CCDC191: variants seen among roughly 807,000 people sequenced by gnomAD.
The protein encoded by CCDC191 is coiled-coil domain-containing protein 191.
CCDC191 carries 99 observed loss-of-function variants against 114.0 expected under a neutral mutation model. That is an observed-to-expected ratio of 0.87 (90% CI 0.74 to 1.03). The LOEUF is 1.03. CCDC191 is among the 50% of genes least tolerant of loss of function. CCDC191 has a pLI of 0.00. For synonymous variants in CCDC191, 351 were observed against 376.0 expected, an observed-to-expected ratio of 0.93 and a Z score of 0.77; for missense variants, 973 against 1,087.0, an observed-to-expected ratio of 0.90 and a Z score of 1.47.
At chr3:114,025,983 T>C (rs2107713746) in intron 7 of CCDC191, among the ~76,000 whole-genome samples, 1 of 152,338 alleles carries the variant, frequency 6.6e-6, no homozygotes, top group South Asian at 2.1e-4. Flanking sequence ...ATAATATTCA[T>C]CTGAAATGTC....
chr3:114,044,513 G>C (rs2076604159), intron 3 of CCDC191, among the ~76,000 whole-genome samples: 1 of 152,026 alleles, frequency 6.6e-6, no homozygotes, highest in East Asian at 1.9e-4. Context: ...TAGGGAATGG[G>C]GTGTTTACAT....
At chr3:114,004,133 CA>C (rs1242304263) in intron 11 of CCDC191, 2 of 956,832 alleles carry the variant, frequency 2.1e-6, no homozygotes, top group Non-Finnish European at 2.5e-6. Flanking sequence ...CTAGATGCAT[CA>C]AAAATGTTAT....
chr3:114,012,446 T>C (rs187087920), intron 8 of CCDC191, among the ~76,000 whole-genome samples: 1 of 152,176 alleles, frequency 6.6e-6, no homozygotes, highest in African/African-American at 2.4e-5. Context: ...AAAAGTATAA[T>C]ATAGGTGGTA....
chr3:114,052,977 C>G (rs2076716703), intron 2 of CCDC191, among the ~76,000 whole-genome samples: 1 of 152,162 alleles, frequency 6.6e-6, no homozygotes. Flanking sequence ...GATTTAATGG[C>G]ACTTTCAAAT....
rs143607740 is a variant in CCDC191, at chr3:114,047,238, G to C, written c.130-506C>G. On this transcript the variant is annotated intron_variant, in intron 2 of 16. Transcript: ENST00000295878. ...GAATAAACAGAATCACTGAACTGTAGCCATCTAGAATGTTTTAACTCAACA... is the reference window on the plus strand; with the variant it reads ...GAATAAACAGAATCACTGAACTGTACCCATCTAGAATGTTTTAACTCAACA... 266 of 478,384 alleles carry C rather than the reference G, an allele frequency of 5.6e-4. 5 individuals are homozygous for C. In the East Asian group the frequency reaches 0.017, roughly 31 times the overall value. 29.6% of individuals were successfully genotyped at this position (478,384 alleles called of 1,614,324 possible). A position where few individuals can be genotyped will look rare whatever the true frequency, so the allele number is the denominator to read the frequency against.
At position 113,964,988 on chromosome 3, in the gene CCDC191, A is replaced by C. The variant is rs1277967293; in HGVS notation, c.*167T>G. On this transcript the variant is annotated 3_prime_UTR_variant, in exon 17 of 17. Transcript: ENST00000295878. ...TGCTATAGTGAATGACTAGCAATCC[A>C]GGAAAAGTCAAAGAAGGGAATAAAA... is the stretch of plus-strand genomic sequence containing the variant. 2.3e-6 allele frequency: 1 copy of C among 437,856 alleles called. No homozygotes were observed. Among genetic ancestry groups the C allele is most frequent in the Non-Finnish European group, 4.0e-6 (1 of 249,636 alleles). 27.1% of individuals were successfully genotyped at this position (437,856 alleles called of 1,614,324 possible). A position where few individuals can be genotyped will look rare whatever the true frequency, so the allele number is the denominator to read the frequency against.
At chr3:113,975,227 G>A (rs190322070) in intron 16 of CCDC191, among the ~76,000 whole-genome samples, 76 of 152,164 alleles carry the variant, frequency 5.0e-4, no homozygotes, top group East Asian at 3.3e-3. Flanking sequence ...AAAATTATCC[G>A]GAAGTGATAC....
intron 13 of CCDC191, among the ~76,000 whole-genome samples, chr3:113,989,063 T>G (rs372408247): frequency 6.6e-6 from 1 of 152,224 alleles, no homozygotes; most frequent in African/African-American, 2.4e-5. Flanking sequence ...CCCAAAGTGC[T>G]GGGATTACAG....
At chr3:114,004,328 G>A (rs1359345955) in intron 11 of CCDC191, 29 of 1,008,152 alleles carry the variant, frequency 2.9e-5, no homozygotes, top group Non-Finnish European at 3.1e-5. Context: ...TTTCTCATTT[G>A]TGTAATTATT....
intron 11 of CCDC191, chr3:114,004,089 G>A: frequency 1.1e-6 from 1 of 946,546 alleles, no homozygotes; most frequent in Non-Finnish European, 1.3e-6. Flanking sequence ...GGCAACACAG[G>A]AAGACCCTGC....
intron 13 of CCDC191, among the ~76,000 whole-genome samples, chr3:113,981,662 G>C (rs1298178674): frequency 3.9e-5 from 6 of 152,144 alleles, no homozygotes; most frequent in African/African-American, 1.4e-4. Context: ...TTAGGAAAAG[G>C]GCAGTGGTGA....
chr3:114,024,458 C>T (rs2076289710), intron 7 of CCDC191, among the ~76,000 whole-genome samples: 1 of 152,120 alleles, frequency 6.6e-6, no homozygotes, highest in Non-Finnish European at 1.5e-5. Context: ...CCCAAATGTC[C>T]AACAATGATA....
chr3:114,033,484 T>C lies in CCDC191; in HGVS notation c.818+1441A>G, dbSNP rs577543622. 3.3e-5 allele frequency among the ~76,000 whole-genome samples: 5 copies of C among 152,356 alleles called. No homozygotes were observed. In the South Asian group the frequency reaches 1.0e-3, roughly 32 times the overall value. On this transcript the variant is annotated intron_variant, in intron 6 of 16. Coordinates refer to ENST00000295878, the MANE Select transcript of CCDC191 (RefSeq NM_020817.2). ...AAGGGATAATACTATTTTACGGCTC[T>C]TGTTGTTTACTGCCAAATTGCTTTC...
intron 13 of CCDC191, chr3:113,984,470 T>C (rs1163333987): frequency 6.6e-6 from 1 of 152,180 alleles, no homozygotes; most frequent in Non-Finnish European, 1.5e-5. Flanking sequence ...GGAAAAGTTA[T>C]ATAAAGCATA....
chr3:113,992,574 T>G (rs1265619869), intron 13 of CCDC191, among the ~76,000 whole-genome samples: 1 of 151,830 alleles, frequency 6.6e-6, no homozygotes, highest in Non-Finnish European at 1.5e-5. Flanking sequence ...ACGGGGACTG[T>G]TGTGGGATGG....
chr3:113,975,253 C>T (rs1238258317), intron 16 of CCDC191, among the ~76,000 whole-genome samples: 1 of 152,170 alleles, frequency 6.6e-6, no homozygotes, highest in African/African-American at 2.4e-5. Context: ...TGTAAGATTA[C>T]AAGTTATGTT....
intron 8 of CCDC191, among the ~76,000 whole-genome samples, chr3:114,016,431 A>C (rs2076159250): frequency 6.6e-6 from 1 of 152,144 alleles, no homozygotes. Flanking sequence ...TGAGTCATTT[A>C]CTGTCTCTGG....
chr3:114,022,910 A>G (rs1045237092), intron 7 of CCDC191, among the ~76,000 whole-genome samples: 7 of 152,216 alleles, frequency 4.6e-5, no homozygotes, highest in Non-Finnish European at 1.5e-5. Context: ...GAAAAGAGGA[A>G]GTCAAATTGT....
intron 16 of CCDC191, among the ~76,000 whole-genome samples, chr3:113,975,110 G>GTGACT (rs1358309706): frequency 6.6e-6 from 1 of 151,644 alleles, no homozygotes; most frequent in Non-Finnish European, 1.5e-5. Flanking sequence ...GTGTAGGTCT[G>GTGACT]TGACTTTCAT....
Sources: gnomAD v4.1 joint callset for allele counts (sites outside exome capture counted in the v4.1 genomes callset) on GRCh38, gnomAD v4.1.1 for gene constraint, MANE v1.5 for transcripts, NCBI Gene and HGNC (gene_info 2026-07-23, HGNC 2026-07-21) for gene names.